ACTR3C: variants seen among roughly 807,000 people sequenced by gnomAD.
ACTR3C encodes the protein actin related protein 3C, also known as actin-related protein 3C.
ACTR3C carries 18 observed loss-of-function variants against 26.3 expected under a neutral mutation model. The observed-to-expected ratio is 0.68, with a 90% CI of 0.47 to 1.01. The LOEUF is 1.01. ACTR3C is among the 50% of genes least tolerant of loss of function. ACTR3C has a pLI of 0.00. For missense variants in ACTR3C, 184 were observed against 250.7 expected, an observed-to-expected ratio of 0.73 and a Z score of 1.80; for synonymous variants, 55 against 94.5, an observed-to-expected ratio of 0.58 and a Z score of 2.42.
chr7:149,972,544 G>A, the ACTR3C span, among the ~76,000 whole-genome samples: 21 of 152,166 alleles, frequency 1.4e-4, no homozygotes, highest in Admixed American at 4.6e-4. Flanking sequence ...AGCCTCTGGA[G>A]ATGCAGTGTC....
chr7:150,295,238 A>G lies in ACTR3C; in HGVS notation c.45+14T>C, dbSNP rs2531041. The G allele has an allele frequency of 7.7e-5, 124 of 1,611,926 alleles. No individual in the cohort carries two copies. The highest frequency in any genetic ancestry group is 1.7e-4 in the Middle Eastern group (1 of 6,046). On this transcript the variant is annotated intron_variant, in intron 2 of 7. Coordinates refer to ENST00000683684, the MANE Select transcript of ACTR3C (RefSeq NM_001164458.2). Reference sequence around the variant, plus strand: ...CTCAGGTGCTTTAGGAATCACAAACATAACTGGTTTTACCTGAACTGCAAT... The same window carrying G: ...CTCAGGTGCTTTAGGAATCACAAACGTAACTGGTTTTACCTGAACTGCAAT...
chr7:149,939,041 C>T, the ACTR3C span, among the ~76,000 whole-genome samples: 634 of 151,268 alleles, frequency 4.2e-3, 2 homozygotes, highest in Non-Finnish European at 6.9e-3. Flanking sequence ...AGTGCAATGG[C>T]GCGATCTCAG....
chr7:150,036,600 T>C, the ACTR3C span, among the ~76,000 whole-genome samples: 1 of 130,184 alleles, frequency 7.7e-6, no homozygotes, highest in Non-Finnish European at 1.8e-5. Context: ...AATACTGCAA[T>C]GTTTGGGATC....
intron 1 of ACTR3C, among the ~76,000 whole-genome samples, chr7:150,309,223 T>G (rs1016691038): frequency 6.6e-6 from 1 of 152,150 alleles, no homozygotes; most frequent in Non-Finnish European, 1.5e-5. Flanking sequence ...CTGTTAGTTA[T>G]GACAAGCTTA....
At chr7:150,234,023 A>G in the ACTR3C span, among the ~76,000 whole-genome samples, 2 of 152,268 alleles carry the variant, frequency 1.3e-5, no homozygotes, top group South Asian at 4.1e-4. Flanking sequence ...AGATGTAGGT[A>G]GCGGTGGCTT....
chr7:150,250,973 A>G (rs1832810981), intron 6 of ACTR3C, among the ~76,000 whole-genome samples: 1 of 152,234 alleles, frequency 6.6e-6, no homozygotes, highest in Admixed American at 6.5e-5. Flanking sequence ...AACTTTATTC[A>G]TGGAACCATA....
the ACTR3C span, among the ~76,000 whole-genome samples, chr7:150,088,627 TA>T: frequency 5.3e-5 from 8 of 152,134 alleles, no homozygotes; most frequent in Admixed American, 4.6e-4. Context: ...TTGTTATAAT[TA>T]AAAAAAGATA....
chr7:150,035,565 C>CA, the ACTR3C span, among the ~76,000 whole-genome samples: 18,517 of 74,038 alleles, frequency 0.25, 2,998 homozygotes, highest in South Asian at 0.38. Context: ...TCCGCAGAGC[C>CA]GGGGGGGAAG....
At chr7:150,071,073 C>A in the ACTR3C span, among the ~76,000 whole-genome samples, 1 of 147,650 alleles carries the variant, frequency 6.8e-6, no homozygotes, top group Admixed American at 6.7e-5. Context: ...GGATTACAGG[C>A]GTGAGCCACC....
At chr7:149,945,441 C>A in the ACTR3C span, among the ~76,000 whole-genome samples, 13 of 152,106 alleles carry the variant, frequency 8.5e-5, no homozygotes, top group Non-Finnish European at 1.3e-4. Context: ...CGTGTCGAGA[C>A]CAAAATGCTT....
chr7:149,950,470 G>C, the ACTR3C span, among the ~76,000 whole-genome samples: 1 of 151,776 alleles, frequency 6.6e-6, no homozygotes, highest in Admixed American at 6.5e-5. Flanking sequence ...AGGTATCAGG[G>C]TACACAGGAA....
At chr7:150,154,567 C>G in the ACTR3C span, among the ~76,000 whole-genome samples, 1 of 152,122 alleles carries the variant, frequency 6.6e-6, no homozygotes, top group Non-Finnish European at 1.5e-5. Flanking sequence ...GCAGCCTTGA[C>G]CTCAGCCACT....
chr7:150,118,222 G>A, the ACTR3C span, among the ~76,000 whole-genome samples: 1,282 of 152,120 alleles, frequency 8.4e-3, 16 homozygotes, highest in African/African-American at 0.03. Context: ...GAACAAAACC[G>A]GATGGAGAAT....
chr7:150,152,935 T>G, the ACTR3C span, among the ~76,000 whole-genome samples: 1 of 152,214 alleles, frequency 6.6e-6, no homozygotes, highest in African/African-American at 2.4e-5. Context: ...TAGAGGTGTT[T>G]GTAGTATTCT....
intron 1 of ACTR3C, among the ~76,000 whole-genome samples, chr7:150,319,226 C>A (rs898871292): frequency 1.2e-3 from 175 of 145,468 alleles, no homozygotes; most frequent in African/African-American, 4.2e-3. Flanking sequence ...TTTTTTGAGA[C>A]AGAGTCTCAC....
At chr7:149,948,046 T>C in the ACTR3C span, among the ~76,000 whole-genome samples, 1 of 148,288 alleles carries the variant, frequency 6.7e-6, no homozygotes, top group Admixed American at 6.7e-5. Flanking sequence ...GTGGCTGCAC[T>C]GTCCCCCAGA....
the ACTR3C span, among the ~76,000 whole-genome samples, chr7:149,921,104 ACT>A: frequency 2.0e-5 from 3 of 152,082 alleles, no homozygotes; most frequent in Non-Finnish European, 2.9e-5. Flanking sequence ...CATTTTAATG[ACT>A]CTGAATTTTT....
At chr7:149,961,807 CAT>C in the ACTR3C span, among the ~76,000 whole-genome samples, 1 of 151,664 alleles carries the variant, frequency 6.6e-6, no homozygotes, top group African/African-American at 2.4e-5. Context: ...GAGGTAAACA[CAT>C]AGGAAATATG....
chr7:149,973,012 C>T, the ACTR3C span, among the ~76,000 whole-genome samples: 1 of 152,130 alleles, frequency 6.6e-6, no homozygotes, highest in Non-Finnish European at 1.5e-5. Flanking sequence ...CATGTCTGTC[C>T]CATGTAATCA....
Sources: allele counts gnomAD v4.1 joint callset (sites outside exome capture counted in the v4.1 genomes callset), GRCh38; gene constraint gnomAD v4.1.1; transcripts MANE v1.5; gene names NCBI Gene and HGNC (gene_info 2026-07-23, HGNC 2026-07-21).